Variants in HUNK observed in about 807,000 individuals in gnomAD.
The protein encoded by HUNK is hormonally up-regulated Neu-associated kinase.
In HUNK, 21 loss-of-function variants were observed where a neutral mutation model predicts 61.0. The observed-to-expected ratio is 0.34, with a 90% CI of 0.24 to 0.50. The LOEUF (loss-of-function observed/expected upper bound fraction) is 0.50. HUNK is among the 20% of genes least tolerant of loss of function. The pLI, the probability that HUNK is intolerant of heterozygous loss-of-function variation, is 0.98. For synonymous variants in HUNK, 371 were observed against 386.1 expected, an observed-to-expected ratio of 0.96 and a Z score of 0.46; for missense variants, 772 against 945.7, an observed-to-expected ratio of 0.82 and a Z score of 2.41.
rs370444866 is a variant in HUNK at position 31,890,971 on chromosome 21, T to TA, written c.261+17049dup. ...GATATTAGCTTTTTAATCTTTTGTT[T>TA]AAAAAAAAAAAAACTTTAGACAAAT... On this transcript the variant is annotated intron_variant, in intron 1 of 10. Transcript: ENST00000270112. Among the ~76,000 whole-genome samples the TA allele has an allele frequency of 8.3e-3, 1,200 of 144,308 alleles. 7 individuals carry two copies. The highest frequency in any genetic ancestry group is 0.019 in the African/African-American group (747 of 39,978). 94.7% of individuals were successfully genotyped at this position (144,308 alleles called of 152,430 possible).
intron 4 of HUNK, among the ~76,000 whole-genome samples, chr21:31,953,352 A>G (rs1306567206): frequency 1.3e-5 from 2 of 151,188 alleles, no homozygotes. Context: ...CTCCTGCCTC[A>G]GCCTCCAAAG....
chr21:31,879,287 G>A (rs1410156234), intron 1 of HUNK, among the ~76,000 whole-genome samples: 1 of 152,198 alleles, frequency 6.6e-6, no homozygotes, highest in Non-Finnish European at 1.5e-5. Flanking sequence ...ATTAATCCTT[G>A]GCAGGGACTT....
At chr21:31,969,404 A>G (rs8130312) in intron 6 of HUNK, among the ~76,000 whole-genome samples, 111,283 of 152,064 alleles carry the variant, frequency 0.73, 42,024 homozygotes, top group African/African-American at 0.93. Context: ...TGTCCCTATG[A>G]ACTTTCCGTG....
rs564449145 is a variant in HUNK, at chr21:31,883,131, G to A, written c.261+9196G>A. Reference sequence around the variant, plus strand: ...CTGAGGGGTAAATTCCTAGTCTTAGGCCAAAAGGTATGTCTATTTTAACTG... The same window carrying A: ...CTGAGGGGTAAATTCCTAGTCTTAGACCAAAAGGTATGTCTATTTTAACTG... On this transcript the variant is annotated intron_variant, in intron 1 of 10. Coordinates refer to ENST00000270112, the MANE Select transcript of HUNK (RefSeq NM_014586.2). 1.1e-4 allele frequency among the ~76,000 whole-genome samples: 17 copies of A among 151,996 alleles called. No individual in the cohort carries two copies. In the East Asian group the frequency reaches 2.9e-3, roughly 26 times the overall value.
Position 31,937,302 on chromosome 21 carries a change from T to C in HUNK, c.555-2863T>C, listed in dbSNP as rs182512023. On this transcript the variant is annotated intron_variant, in intron 2 of 10. Coordinates refer to ENST00000270112, the MANE Select transcript of HUNK (RefSeq NM_014586.2). ...CCTTTATTTGGCTCACTGATGACTT[T>C]GGGTGCTCTAGAAATCACTCGAGGA... Among the ~76,000 whole-genome samples, 146 of 152,338 alleles carry C rather than the reference T, an allele frequency of 9.6e-4. 1 individual carries two copies. The highest frequency in any genetic ancestry group is 3.5e-3 in the African/African-American group (144 of 41,584).
At chr21:31,887,574 TG>T (rs77474966) in intron 1 of HUNK, among the ~76,000 whole-genome samples, 12,942 of 152,238 alleles carry the variant, frequency 0.085, 1,025 homozygotes, top group East Asian at 0.25. Flanking sequence ...CAAGGCTTTT[TG>T]GTAAGTCGTC....
intron 7 of HUNK, among the ~76,000 whole-genome samples, chr21:31,977,745 G>A (rs1028165493): frequency 1.3e-5 from 2 of 152,232 alleles, no homozygotes; most frequent in African/African-American, 4.8e-5. Flanking sequence ...AGGCTGGAGT[G>A]CAGTGGCACA....
chr21:31,993,035 A>G (rs1445783539), intron 9 of HUNK, among the ~76,000 whole-genome samples: 2 of 152,178 alleles, frequency 1.3e-5, no homozygotes, highest in Admixed American at 1.3e-4. Flanking sequence ...ACCAGGGTGC[A>G]GGATGTTGGG....
At chr21:31,942,055 C>G (rs1472881266) in intron 3 of HUNK, among the ~76,000 whole-genome samples, 1 of 152,162 alleles carries the variant, frequency 6.6e-6, no homozygotes, top group African/African-American at 2.4e-5. Flanking sequence ...ATTAAAAATG[C>G]AAAAAGTAGC....
intron 4 of HUNK, among the ~76,000 whole-genome samples, chr21:31,956,567 TC>T (rs1240462612): frequency 2.0e-5 from 3 of 152,054 alleles, no homozygotes; most frequent in African/African-American, 7.3e-5. Context: ...GCCCTGATAC[TC>T]CTTCCCTGCA....
chr21:31,944,390 T>C (rs1487627359), intron 3 of HUNK, among the ~76,000 whole-genome samples: 2 of 152,232 alleles, frequency 1.3e-5, no homozygotes, highest in Admixed American at 1.3e-4. Flanking sequence ...ATTTTTCTTC[T>C]TATAAAAATA....
At chr21:31,976,406 T>C (rs1213455346) in intron 7 of HUNK, among the ~76,000 whole-genome samples, 1 of 151,010 alleles carries the variant, frequency 6.6e-6, no homozygotes, top group Non-Finnish European at 1.5e-5. Context: ...AAAGACATAC[T>C]GGACTTGAAG....
chr21:31,939,571 G>C (rs1159158779), intron 2 of HUNK, among the ~76,000 whole-genome samples: 1 of 151,840 alleles, frequency 6.6e-6, no homozygotes, highest in Non-Finnish European at 1.5e-5. Flanking sequence ...GCCATGCCCA[G>C]CTGATTTTGT....
intron 1 of HUNK, among the ~76,000 whole-genome samples, chr21:31,893,942 G>A (rs1208644388): frequency 6.6e-6 from 1 of 152,150 alleles, no homozygotes; most frequent in African/African-American, 2.4e-5. Context: ...TTTAGCTTCC[G>A]GGACTGGGTT....
chr21:31,973,345 C>A (rs1231139086), intron 6 of HUNK, among the ~76,000 whole-genome samples: 1 of 152,000 alleles, frequency 6.6e-6, no homozygotes, highest in East Asian at 1.9e-4. Flanking sequence ...TGTGATGTTC[C>A]CCACCCTGTG....
intron 2 of HUNK, among the ~76,000 whole-genome samples, chr21:31,928,055 G>A (rs762571086): frequency 2.6e-5 from 4 of 152,246 alleles, no homozygotes; most frequent in African/African-American, 4.8e-5. Context: ...GTGTCATAAC[G>A]CTGCTGTTAT....
rs544953326 is a variant in HUNK at position 32,002,277 on chromosome 21, T to A, written c.*3093T>A. On this transcript the variant is annotated 3_prime_UTR_variant, in exon 11 of 11. Coordinates refer to ENST00000270112, the MANE Select transcript of HUNK (RefSeq NM_014586.2). ...TAATTTTTTTTGTATTTTGTAGAAA[T>A]GGGGTTTCGCCATGTTGCTCAGGCT... 6 of 152,166 alleles carry A rather than the reference T, an allele frequency of 3.9e-5. No homozygotes were observed. The highest frequency in any genetic ancestry group is 8.8e-5 in the Non-Finnish European group (6 of 68,048). The allele number at this position is 152,166 out of a possible 1,614,324, so 9.4% of individuals were successfully genotyped here. A position where few individuals can be genotyped will look rare whatever the true frequency, so the allele number is the denominator to read the frequency against.
intron 4 of HUNK, among the ~76,000 whole-genome samples, chr21:31,956,603 GCCT>G (rs2052891137): frequency 6.6e-6 from 1 of 152,202 alleles, no homozygotes; most frequent in Admixed American, 6.5e-5. Context: ...CTCCTCCTCA[GCCT>G]CCTCAGTACC....
intron 6 of HUNK, among the ~76,000 whole-genome samples, chr21:31,973,673 AATT>A (rs1435262883): frequency 6.6e-6 from 1 of 152,022 alleles, no homozygotes; most frequent in Non-Finnish European, 1.5e-5. Flanking sequence ...GCCGGTTCTT[AATT>A]CTAGGGCTGT....
Sources: allele counts gnomAD v4.1 joint callset (sites outside exome capture counted in the v4.1 genomes callset), GRCh38; gene constraint gnomAD v4.1.1; transcripts MANE v1.5; gene names NCBI Gene and HGNC (gene_info 2026-07-23, HGNC 2026-07-21).